MGAT4C: variants seen among roughly 807,000 people sequenced by gnomAD.
MGAT4C encodes alpha-1,3-mannosyl-glycoprotein 4-beta-N-acetylglucosaminyltransferase C.
Under a neutral mutation model 40.1 loss-of-function variants are expected in MGAT4C, and 19 were observed. The observed-to-expected ratio is 0.47, with a 90% CI of 0.33 to 0.70. MGAT4C has a LOEUF of 0.70. Among genes scored for constraint, MGAT4C ranks in the 30% least tolerant of loss-of-function variants. The probability of loss-of-function intolerance (pLI) is 0.02; values close to 1 mark genes in which losing one functional copy is unlikely to be tolerated. For synonymous variants in MGAT4C, 181 were observed against 187.1 expected, an observed-to-expected ratio of 0.97 and a Z score of 0.27; for missense variants, 491 against 563.2, an observed-to-expected ratio of 0.87 and a Z score of 1.30.
At chr12:86,399,185 T>C (rs968448715) in intron 3 of MGAT4C, among the ~76,000 whole-genome samples, 2 of 151,864 alleles carry the variant, frequency 1.3e-5, no homozygotes, top group African/African-American at 2.4e-5. Context: ...TTGGCCAGGA[T>C]AGTCTCGATC....
chr12:86,506,895 A>G (rs1030516162), intron 2 of MGAT4C, among the ~76,000 whole-genome samples: 2 of 152,136 alleles, frequency 1.3e-5, no homozygotes, highest in Non-Finnish European at 2.9e-5. Context: ...TCTTCTTCGT[A>G]AGTTTCCTTT....
chr12:86,676,526 C>T (rs1269157002), intron 2 of MGAT4C, among the ~76,000 whole-genome samples: 1 of 152,076 alleles, frequency 6.6e-6, no homozygotes, highest in Non-Finnish European at 1.5e-5. Context: ...AATACATATA[C>T]TTGTGGATTT....
intron 3 of MGAT4C, among the ~76,000 whole-genome samples, chr12:86,405,458 C>T (rs1007634138): frequency 7.9e-5 from 12 of 151,846 alleles, no homozygotes; most frequent in African/African-American, 2.9e-4. Context: ...GAAAACTACA[C>T]AATACTGATA....
chr12:86,014,694 C>T (rs545719830), intron 2 of MGAT4C, among the ~76,000 whole-genome samples: 1 of 152,154 alleles, frequency 6.6e-6, no homozygotes, highest in East Asian at 1.9e-4. Flanking sequence ...AAACCTAATG[C>T]CCCCTCGAAA....
At chr12:86,039,528 G>T (rs1891595500) in intron 2 of MGAT4C, among the ~76,000 whole-genome samples, 1 of 151,876 alleles carries the variant, frequency 6.6e-6, no homozygotes, top group Admixed American at 6.6e-5. Flanking sequence ...TGATACTTTT[G>T]TATGCTTCAT....
chr12:86,538,060 C>T (rs1179807776), intron 2 of MGAT4C, among the ~76,000 whole-genome samples: 1 of 152,036 alleles, frequency 6.6e-6, no homozygotes, highest in Non-Finnish European at 1.5e-5. Context: ...GCACTCCAGC[C>T]TGGGCAACAG....
intron 1 of MGAT4C, among the ~76,000 whole-genome samples, chr12:86,168,305 T>C (rs1004906602): frequency 3.3e-5 from 5 of 152,212 alleles, no homozygotes; most frequent in African/African-American, 1.2e-4. Flanking sequence ...ATTACTGAAT[T>C]ACTTCTTGAG....
intron 2 of MGAT4C, among the ~76,000 whole-genome samples, chr12:86,514,571 G>T (rs1475914882): frequency 6.6e-6 from 1 of 152,104 alleles, no homozygotes; most frequent in Non-Finnish European, 1.5e-5. Flanking sequence ...AGCAAAATAT[G>T]TTTCAGTTTT....
At chr12:86,501,819 C>T (rs1958348467) in intron 2 of MGAT4C, among the ~76,000 whole-genome samples, 1 of 151,940 alleles carries the variant, frequency 6.6e-6, no homozygotes, top group African/African-American at 2.4e-5. Flanking sequence ...GTGCATGTAT[C>T]GTTATAACAG....
intron 2 of MGAT4C, among the ~76,000 whole-genome samples, chr12:86,021,063 G>A (rs1015385358): frequency 2.0e-5 from 3 of 152,100 alleles, no homozygotes; most frequent in African/African-American, 7.2e-5. Flanking sequence ...AGTTAGAATG[G>A]CACTCATTAA....
At chr12:86,786,817 T>C (rs569546249) in intron 1 of MGAT4C, among the ~76,000 whole-genome samples, 304 of 152,254 alleles carry the variant, frequency 2.0e-3, no homozygotes, top group Admixed American at 5.2e-3. Flanking sequence ...CTTAATTAGG[T>C]AGTAAACATT....
At chr12:86,466,322 CTG>C (rs1957682385) in intron 2 of MGAT4C, among the ~76,000 whole-genome samples, 1 of 152,098 alleles carries the variant, frequency 6.6e-6, no homozygotes, top group Non-Finnish European at 1.5e-5. Context: ...GATAGCTATA[CTG>C]TGGTACATCC....
At chr12:86,260,259 C>T (rs183812025), upstream of MGAT4C, among the ~76,000 whole-genome samples, 2 of 152,160 alleles carry the variant, frequency 1.3e-5, no homozygotes, top group East Asian at 1.9e-4. Flanking sequence ...CAGCTGGCTC[C>T]CACCCACCTT....
chr12:86,228,066 A>G (rs184618535), intron 1 of MGAT4C, among the ~76,000 whole-genome samples: 4 of 151,804 alleles, frequency 2.6e-5, no homozygotes, highest in Admixed American at 2.6e-4. Context: ...ATTGAACTAC[A>G]TTATGCATCA....
chr12:86,412,959 A>G (rs530599863), intron 3 of MGAT4C, among the ~76,000 whole-genome samples: 5 of 152,106 alleles, frequency 3.3e-5, no homozygotes, highest in Non-Finnish European at 7.4e-5. Context: ...GGTTGATTAA[A>G]AGTTTGTAGT....
At chr12:86,671,742 G>C (rs562741538) in intron 2 of MGAT4C, among the ~76,000 whole-genome samples, 1 of 152,110 alleles carries the variant, frequency 6.6e-6, no homozygotes, top group African/African-American at 2.4e-5. Context: ...AGAACTCAGC[G>C]AGAGGATGTG....
chr12:86,211,637 T>C (rs1950475353), intron 1 of MGAT4C, among the ~76,000 whole-genome samples: 1 of 151,810 alleles, frequency 6.6e-6, no homozygotes, highest in African/African-American at 2.4e-5. Context: ...AAAGCTTACA[T>C]AGATTACAGC....
At chr12:86,462,985 G>A (rs1229729172) in intron 2 of MGAT4C, among the ~76,000 whole-genome samples, 1 of 97,320 alleles carries the variant, frequency 1.0e-5, no homozygotes, top group Non-Finnish European at 2.2e-5. Flanking sequence ...CTTCAATCAA[G>A]TTGACACTCA....
chr12:86,129,936 G>T (rs1024865463), intron 1 of MGAT4C, among the ~76,000 whole-genome samples: 1 of 152,146 alleles, frequency 6.6e-6, no homozygotes, highest in African/African-American at 2.4e-5. Context: ...CACATGCACT[G>T]TGTGAAAAAT....
Sources: allele counts gnomAD v4.1 joint callset (sites outside exome capture counted in the v4.1 genomes callset), GRCh38; gene constraint gnomAD v4.1.1; transcripts MANE v1.5; gene names NCBI Gene and HGNC (gene_info 2026-07-23, HGNC 2026-07-21).